Variants in NRG3 observed in about 807,000 individuals in gnomAD.
The protein encoded by NRG3 is neuregulin 3, also known as pro-neuregulin-3, membrane-bound isoform.
NRG3 carries 31 observed loss-of-function variants against 66.9 expected under a neutral mutation model. That is an observed-to-expected ratio of 0.46 (90% CI 0.35 to 0.63). The LOEUF (loss-of-function observed/expected upper bound fraction) is 0.63. NRG3 is among the 20% of genes least tolerant of loss of function. The pLI is 0.00. For missense variants in NRG3, 910 were observed against 878.9 expected (o/e 1.04, Z -0.45); for synonymous variants, 393 against 359.4 (o/e 1.09, Z -1.06).
intron 1 of NRG3, among the ~76,000 whole-genome samples, chr10:82,104,158 T>C (rs2066924944): frequency 6.6e-6 from 1 of 152,198 alleles, no homozygotes; most frequent in African/African-American, 2.4e-5. Flanking sequence ...TAATTTTCTT[T>C]TTGTATTTCT....
Position 82,751,359 on chromosome 10 carries a change from G to A in NRG3, c.1027+12709G>A, listed in dbSNP as rs550879200. Among the ~76,000 whole-genome samples, 163 of 152,172 alleles carry A rather than the reference G, an allele frequency of 1.1e-3. 5 individuals are homozygous for A. In the South Asian group the frequency reaches 0.033, roughly 31 times the overall value. Reference sequence around the variant, plus strand: ...AATTTTCAGTTTTTCCTGATTTCTTGTCTTCACAGAAAAGCTCTGTGATTA... The same window carrying A: ...AATTTTCAGTTTTTCCTGATTTCTTATCTTCACAGAAAAGCTCTGTGATTA... On this transcript the variant is annotated intron_variant, in intron 3 of 8. Coordinates refer to ENST00000372141, the MANE Select transcript of NRG3 (RefSeq NM_001010848.4).
At chr10:82,393,672 G>A (rs2086536561) in intron 2 of NRG3, among the ~76,000 whole-genome samples, 1 of 152,116 alleles carries the variant, frequency 6.6e-6, no homozygotes, top group Admixed American at 6.5e-5. Context: ...TCAGCTGTTC[G>A]ATTCACTCCT....
At chr10:82,806,796 C>T (rs1260906632) in intron 3 of NRG3, among the ~76,000 whole-genome samples, 3 of 152,162 alleles carry the variant, frequency 2.0e-5, no homozygotes, top group Non-Finnish European at 2.9e-5. Context: ...AGGTAAGTCT[C>T]ATGTGTTCCT....
intron 1 of NRG3, among the ~76,000 whole-genome samples, chr10:82,301,467 CT>C (rs1451200919): frequency 6.6e-6 from 1 of 152,032 alleles, no homozygotes; most frequent in Admixed American, 6.6e-5. Flanking sequence ...GAATCCTACT[CT>C]TTTAAATGAA....
chr10:82,512,075 A>T (rs935256711), intron 2 of NRG3, among the ~76,000 whole-genome samples: 11 of 152,032 alleles, frequency 7.2e-5, no homozygotes, highest in African/African-American at 2.2e-4. Flanking sequence ...ATATTTTCTG[A>T]TAAATAAAAC....
intron 3 of NRG3, among the ~76,000 whole-genome samples, chr10:82,791,493 TG>T (rs35616663): frequency 0.14 from 21,137 of 152,104 alleles, 1,589 homozygotes; most frequent in Non-Finnish European, 0.16. Context: ...ACATTTGTGC[TG>T]GGGCAAGCCT....
At chr10:81,890,242 G>A (rs1174693830) in intron 1 of NRG3, among the ~76,000 whole-genome samples, 2 of 152,168 alleles carry the variant, frequency 1.3e-5, no homozygotes, top group Non-Finnish European at 2.9e-5. Context: ...AAGGGTTTAA[G>A]CCTTTCGGCT....
chr10:82,725,093 C>T (rs1380054103), intron 2 of NRG3, among the ~76,000 whole-genome samples: 3 of 152,180 alleles, frequency 2.0e-5, no homozygotes, highest in Admixed American at 1.3e-4. Context: ...TGTTACACGT[C>T]TGTATTCACT....
chr10:82,939,670 C>T (rs1848417992), intron 4 of NRG3, among the ~76,000 whole-genome samples: 1 of 152,036 alleles, frequency 6.6e-6, no homozygotes. Context: ...GGGGTTTCAT[C>T]GTGTTAGCCA....
At chr10:82,392,127 T>C (rs1235959052) in intron 2 of NRG3, among the ~76,000 whole-genome samples, 4 of 152,044 alleles carry the variant, frequency 2.6e-5, no homozygotes, top group Non-Finnish European at 5.9e-5. Flanking sequence ...TCTACTGTTA[T>C]CACACTCTGC....
intron 1 of NRG3, among the ~76,000 whole-genome samples, chr10:82,219,424 A>G (rs2075837792): frequency 6.6e-6 from 1 of 151,888 alleles, no homozygotes; most frequent in African/African-American, 2.4e-5. Context: ...CTCTTGGGAA[A>G]GATGAATCTA....
intron 1 of NRG3, among the ~76,000 whole-genome samples, chr10:81,964,621 A>G (rs1254048078): frequency 1.3e-5 from 2 of 152,172 alleles, no homozygotes; most frequent in African/African-American, 2.4e-5. Flanking sequence ...CCCTGTGTCT[A>G]GAATGGAATA....
chr10:82,631,176 T>A (rs1165418111), intron 2 of NRG3, among the ~76,000 whole-genome samples: 1 of 152,200 alleles, frequency 6.6e-6, no homozygotes, highest in East Asian at 1.9e-4. Context: ...TGCTAATTAA[T>A]CCTTCCAACT....
intron 1 of NRG3, among the ~76,000 whole-genome samples, chr10:81,956,493 G>A (rs373928352): frequency 2.0e-4 from 30 of 152,252 alleles, no homozygotes; most frequent in African/African-American, 7.2e-4. Flanking sequence ...CAGCTTTAGT[G>A]ACTAAAACAT....
At chr10:82,892,787 G>A (rs1843281559) in intron 4 of NRG3, among the ~76,000 whole-genome samples, 1 of 151,764 alleles carries the variant, frequency 6.6e-6, no homozygotes, top group Non-Finnish European at 1.5e-5. Context: ...AATAACCAGA[G>A]TAATGTGTAT....
intron 2 of NRG3, among the ~76,000 whole-genome samples, chr10:82,467,371 CT>C (rs1402712045): frequency 1.3e-5 from 2 of 152,204 alleles, no homozygotes; most frequent in African/African-American, 4.8e-5. Flanking sequence ...CTCATTTTAT[CT>C]CTTCCACGCT....
chr10:82,504,287 C>G (rs765357635), intron 2 of NRG3, among the ~76,000 whole-genome samples: 1 of 152,214 alleles, frequency 6.6e-6, no homozygotes, highest in Non-Finnish European at 1.5e-5. Flanking sequence ...ATACCAGAAT[C>G]TTTCAGATAA....
chr10:82,851,909 C>T (rs1484891920), intron 3 of NRG3, among the ~76,000 whole-genome samples: 1 of 152,070 alleles, frequency 6.6e-6, no homozygotes, highest in Non-Finnish European at 1.5e-5. Context: ...TGTGATGAGA[C>T]TCAGAGTATG....
rs568444617 is a variant in NRG3, at chr10:82,112,529, G to A, written c.823+236366G>A. On this transcript the variant is annotated intron_variant, in intron 1 of 8. Transcript: ENST00000372141. Reference sequence around the variant, plus strand: ...GGCAGTTTAAATGGCAGAATTAAATGTAGTTTGGTGAAAATGTTTATCAAG... The same window carrying A: ...GGCAGTTTAAATGGCAGAATTAAATATAGTTTGGTGAAAATGTTTATCAAG... Among the ~76,000 whole-genome samples the A allele has an allele frequency of 2.0e-5, 3 of 152,286 alleles. No individual in the cohort carries two copies. The South Asian group carries it at 6.2e-4, about 32-fold the overall frequency.
Sources: gnomAD v4.1 joint callset for allele counts (sites outside exome capture counted in the v4.1 genomes callset) on GRCh38, gnomAD v4.1.1 for gene constraint, MANE v1.5 for transcripts, NCBI Gene and HGNC (gene_info 2026-07-23, HGNC 2026-07-21) for gene names.